TRPC7: variants seen among roughly 807,000 people sequenced by gnomAD.
TRPC7 encodes the protein transient receptor potential cation channel subfamily C member 7.
In TRPC7, 42 loss-of-function variants were observed where a neutral mutation model predicts 90.1. That is an observed-to-expected ratio of 0.47 (90% CI 0.36 to 0.60). The LOEUF is 0.60. Among genes scored for constraint, TRPC7 ranks in the 20% least tolerant of loss-of-function variants. The pLI is 0.00. For missense variants in TRPC7, 955 were observed against 1,112.3 expected (o/e 0.86, Z 2.01); for synonymous variants, 451 against 436.3 (o/e 1.03, Z -0.42).
At chr5:136,233,001 G>A (rs116224509) in intron 7 of TRPC7, among the ~76,000 whole-genome samples, 42 of 152,132 alleles carry the variant, frequency 2.8e-4, no homozygotes, top group African/African-American at 9.2e-4. Flanking sequence ...ACTGGTACTC[G>A]TCACTTGGGC....
chr5:136,363,496 T>C (rs1344347261), intron 1 of TRPC7, among the ~76,000 whole-genome samples: 1 of 152,152 alleles, frequency 6.6e-6, no homozygotes, highest in Non-Finnish European at 1.5e-5. Context: ...AAAAGATATA[T>C]ACCTAACTAC....
chr5:136,348,172 G>A (rs1186066371), intron 2 of TRPC7, among the ~76,000 whole-genome samples: 8 of 152,124 alleles, frequency 5.3e-5, no homozygotes, highest in African/African-American at 1.4e-4. Flanking sequence ...GAAAACATCC[G>A]ATGCCTCACC....
chr5:136,213,421 G>C lies in TRPC7; in HGVS notation c.*14C>G. 1 of 1,612,400 alleles carries C rather than the reference G, an allele frequency of 6.2e-7. No individual in the cohort carries two copies. Among genetic ancestry groups the C allele is most frequent in the East Asian group, 2.2e-5 (1 of 44,852 alleles). ...TGGAATGCTGGTAGAAGTCACAGAC[G>C]CCGATGTGGGCTGCTAAATGTCTTT... On this transcript the variant is annotated 3_prime_UTR_variant, in exon 12 of 12. Coordinates refer to ENST00000513104, the MANE Select transcript of TRPC7 (RefSeq NM_020389.3).
chr5:136,246,789 AT>A (rs57589123), intron 7 of TRPC7, among the ~76,000 whole-genome samples: 25 of 152,198 alleles, frequency 1.6e-4, no homozygotes, highest in Non-Finnish European at 2.8e-4. Flanking sequence ...AGTAAGAATA[AT>A]TTTTTTTACC....
At chr5:136,341,965 AT>A (rs869111579) in intron 2 of TRPC7, among the ~76,000 whole-genome samples, 2 of 152,194 alleles carry the variant, frequency 1.3e-5, no homozygotes, top group African/African-American at 2.4e-5. Context: ...CTTCTCATTA[AT>A]TTTTAATTCC....
chr5:136,266,003 C>T lies in TRPC7; in HGVS notation c.1345+217G>A, dbSNP rs539685832. On this transcript the variant is annotated intron_variant, in intron 5 of 11. Transcript: ENST00000513104. ...ATGTACTTAAAAAATTTCTGTCCCC[C>T]GCCGCCCCAAACATTTCCTTTCAAA... Among the ~76,000 whole-genome samples, 7 of 152,234 alleles carry T rather than the reference C, an allele frequency of 4.6e-5. No individual in the cohort carries two copies. The South Asian group carries it at 1.0e-3, about 23-fold the overall frequency.
intron 3 of TRPC7, among the ~76,000 whole-genome samples, chr5:136,307,787 G>C (rs1345113686): frequency 6.6e-6 from 1 of 152,206 alleles, no homozygotes; most frequent in Non-Finnish European, 1.5e-5. Flanking sequence ...AAGGTGTCGG[G>C]CTTGAGAAAT....
intron 3 of TRPC7, 142 bp downstream of exon 3, chr5:136,315,455 A>G: frequency 1.1e-6 from 1 of 880,016 alleles, no homozygotes. Context: ...TGAAGCTGAC[A>G]GCTAGCTCCC....
chr5:136,239,066 A>C (rs1451576720), intron 7 of TRPC7, among the ~76,000 whole-genome samples: 1 of 152,146 alleles, frequency 6.6e-6, no homozygotes, highest in Non-Finnish European at 1.5e-5. Flanking sequence ...CAAGCCTTAG[A>C]ACTTTTCTGT....
chr5:136,283,820 A>T (rs1371860551), intron 3 of TRPC7, among the ~76,000 whole-genome samples: 1 of 152,142 alleles, frequency 6.6e-6, no homozygotes, highest in African/African-American at 2.4e-5. Flanking sequence ...ATGTAGACAG[A>T]GTTCTAGTTC....
intron 3 of TRPC7, among the ~76,000 whole-genome samples, chr5:136,291,555 G>A (rs10477779): frequency 0.12 from 18,397 of 152,098 alleles, 1,157 homozygotes; most frequent in African/African-American, 0.14. Flanking sequence ...AGGCCATTAC[G>A]TAACGGTAAA....
At chr5:136,255,981 G>T (rs1561689956) in intron 5 of TRPC7, among the ~76,000 whole-genome samples, 1 of 152,164 alleles carries the variant, frequency 6.6e-6, no homozygotes, top group Non-Finnish European at 1.5e-5. Flanking sequence ...TGTCATCAAA[G>T]AGTCTTACGA....
rs1217066417 is a variant in TRPC7 at position 136,356,850 on chromosome 5, C to G, written c.538G>C (p.Val180Leu). The G allele has an allele frequency of 2.5e-6, 4 of 1,613,860 alleles. No individual in the cohort carries two copies. Among genetic ancestry groups the G allele is most frequent in the Non-Finnish European group, 3.4e-6 (4 of 1,179,918 alleles). ...LAAHCQEYEI[V>L]HILLLKGARI... is the part of the protein sequence containing the mutation. ...GCGCCCTTGAGCAGCAGGATGTGCA[C>G]GATCTCATACTCCTGGCAGTGCGCC... The change falls in exon 2 of 12, where the codon GTG (valine) becomes CTG (leucine). Residue 180 changes from valine to leucine, a missense_variant. Coordinates refer to ENST00000513104, the MANE Select transcript of TRPC7 (RefSeq NM_020389.3).
chr5:136,254,571 T>C (rs1756630988), intron 5 of TRPC7, among the ~76,000 whole-genome samples: 2 of 152,212 alleles, frequency 1.3e-5, no homozygotes, highest in Admixed American at 6.5e-5. Context: ...AGAAAAAATA[T>C]ATTTCTTTCA....
intron 2 of TRPC7, among the ~76,000 whole-genome samples, chr5:136,355,519 C>T (rs547842009): frequency 1.3e-5 from 2 of 152,256 alleles, no homozygotes; most frequent in East Asian, 1.9e-4. Context: ...TTGCTCTTGG[C>T]CAGGTGTGGT....
Position 136,247,038 on chromosome 5 carries a change from A to G in TRPC7, c.1844+433T>C, listed in dbSNP as rs1756363758. On this transcript the variant is annotated intron_variant, in intron 7 of 11. Transcript: ENST00000513104. The surrounding 1 kb of genome is among the most constrained non-coding windows in gnomAD (Gnocchi z 4.2). ...TACCCCCAAAGTTTACCACCACAAA[A>G]TATCTCGCTTTTATTATTATTTTCA... 6.6e-6 allele frequency among the ~76,000 whole-genome samples: 1 copy of G among 152,096 alleles called. No individual in the cohort carries two copies. Among genetic ancestry groups the G allele is most frequent in the African/African-American group, 2.4e-5 (1 of 41,390 alleles).
chr5:136,304,784 C>T lies in TRPC7; in HGVS notation c.963+10813G>A, dbSNP rs537823826. On this transcript the variant is annotated intron_variant, in intron 3 of 11. Transcript: ENST00000513104. ...AAACACACGTGCTCTCCCTGCTAAT[C>T]ATGTCCAATTAACCTTCCAAACCTC... Among the ~76,000 whole-genome samples, 7 of 152,292 alleles carry T rather than the reference C, an allele frequency of 4.6e-5. No individual in the cohort carries two copies. The East Asian group carries it at 1.4e-3, about 29-fold the overall frequency.
chr5:136,317,611 A>G (rs1291403773), intron 2 of TRPC7, among the ~76,000 whole-genome samples: 2 of 152,216 alleles, frequency 1.3e-5, no homozygotes, highest in Non-Finnish European at 2.9e-5. Context: ...GTGGCAACTC[A>G]GGTTCCTTAA....
intron 8 of TRPC7, among the ~76,000 whole-genome samples, chr5:136,228,346 T>C (rs1275184235): frequency 1.3e-5 from 2 of 150,694 alleles, no homozygotes; most frequent in Admixed American, 1.3e-4. Context: ...CAGCGAGAAG[T>C]GTAAATAACT....
Sources: allele counts gnomAD v4.1 joint callset (sites outside exome capture counted in the v4.1 genomes callset), GRCh38; gene constraint gnomAD v4.1.1; non-coding constraint Gnocchi (gnomAD v3.1); transcripts MANE v1.5; gene names NCBI Gene and HGNC (gene_info 2026-07-23, HGNC 2026-07-21).